The following UCHL5 variants were observed in gnomAD, a reference collection of about 807,000 sequenced individuals.
UCHL5 encodes the protein ubiquitin C-terminal hydrolase L5.
Under a neutral mutation model 53.8 loss-of-function variants are expected in UCHL5, and 34 were observed. The observed-to-expected ratio is 0.63, with a 90% CI of 0.48 to 0.84. The LOEUF (loss-of-function observed/expected upper bound fraction) is 0.84. Ranked by LOEUF, UCHL5 falls within the 40% of genes least tolerant of loss-of-function variation. UCHL5 has a pLI of 0.00. For synonymous variants in UCHL5, 111 were observed against 126.3 expected (o/e 0.88, Z 0.81); for missense variants, 290 against 385.6 (o/e 0.75, Z 2.08).
At chr1:193,025,168 T>C (rs1042302433) in intron 7 of UCHL5, among the ~76,000 whole-genome samples, 1 of 152,198 alleles carries the variant, frequency 6.6e-6, no homozygotes, top group Admixed American at 6.5e-5. Context: ...AACAAAAGTC[T>C]GCTCTCTCTA....
rs1402857349 is a variant in UCHL5 at position 193,059,020 on chromosome 1, G to C, written c.76+165C>G. ...ATTACTGTGGAAACGCGACTGTCTC[G>C]AGCTGAGGAGAGGGCAGAACATCTA... On this transcript the variant is annotated intron_variant, in intron 1 of 10. Transcript: ENST00000367454. The surrounding 1 kb of genome is among the most constrained non-coding windows in gnomAD (Gnocchi z 4.9). Among the ~76,000 whole-genome samples, 1 of 152,170 alleles carries C rather than the reference G, an allele frequency of 6.6e-6. No individual in the cohort carries two copies. The highest frequency in any genetic ancestry group is 1.5e-5 in the Non-Finnish European group (1 of 68,036).
At chr1:193,034,392 C>G (rs545594011) in intron 3 of UCHL5, among the ~76,000 whole-genome samples, 23 of 151,924 alleles carry the variant, frequency 1.5e-4, no homozygotes, top group African/African-American at 4.8e-4. Flanking sequence ...CTTACCAGAA[C>G]CAACTCAAGA....
rs79386834 is a variant in UCHL5, at chr1:193,020,825, A to G, written c.942+272T>C. 1.4e-4 allele frequency among the ~76,000 whole-genome samples: 21 copies of G among 152,002 alleles called. No homozygotes were observed. In the East Asian group the frequency reaches 3.5e-3, roughly 25 times the overall value. The stretch of plus-strand genomic sequence containing the variant: ...TTAAAAATCTACTTTTGCTTAAAGG[A>G]AGTGTTTTAAATTTTATTTTAATAC... On this transcript the variant is annotated intron_variant, in intron 10 of 10. Coordinates refer to ENST00000367454, the MANE Select transcript of UCHL5 (RefSeq NM_001199261.3).
chr1:193,036,466 A>T (rs1663536547), intron 3 of UCHL5, among the ~76,000 whole-genome samples: 1 of 151,994 alleles, frequency 6.6e-6, no homozygotes, highest in African/African-American at 2.4e-5. Context: ...TAACAATTAT[A>T]AATATGTATA....
intron 1 of UCHL5, among the ~76,000 whole-genome samples, chr1:193,057,068 A>T (rs534816068): frequency 6.6e-6 from 1 of 152,338 alleles, no homozygotes; most frequent in African/African-American, 2.4e-5. Context: ...ACTTTAACAT[A>T]TTGTTAAGGT....
At chr1:193,019,331 G>A (rs1340547211) in intron 10 of UCHL5, among the ~76,000 whole-genome samples, 1 of 151,546 alleles carries the variant, frequency 6.6e-6, no homozygotes, top group African/African-American at 2.4e-5. Flanking sequence ...TCTCAGTTAT[G>A]TATACATCCC....
intron 7 of UCHL5, among the ~76,000 whole-genome samples, chr1:193,027,688 A>G (rs766046998): frequency 1.6e-4 from 24 of 152,188 alleles, no homozygotes; most frequent in Non-Finnish European, 3.2e-4. Flanking sequence ...CTGTCTCAAA[A>G]AATAAAAAAA....
chr1:193,021,288 C>T (rs1212118445), intron 9 of UCHL5, 93 bp from the exon 10 acceptor site: 2 of 739,092 alleles, frequency 2.7e-6, no homozygotes, highest in East Asian at 5.5e-5. Context: ...ATGGTATATC[C>T]ATTCTCATAA....
At position 193,016,192 on chromosome 1, in the gene UCHL5, G is replaced by A; in HGVS notation, c.*159C>T. The A allele has an allele frequency of 2.7e-6, 2 of 731,268 alleles. No individual in the cohort carries two copies. Among genetic ancestry groups the A allele is most frequent in the Non-Finnish European group, 4.6e-6 (2 of 439,232 alleles). The allele number at this position is 731,268 out of a possible 1,614,324, so 45.3% of individuals were successfully genotyped here. ...ACTACATGCACATGATGCAGGTAGGGAAGAAGTTTATGAATCCATGCATTA... is the reference window on the plus strand; with the variant it reads ...ACTACATGCACATGATGCAGGTAGGAAAGAAGTTTATGAATCCATGCATTA... On this transcript the variant is annotated 3_prime_UTR_variant, in exon 11 of 11. Transcript: ENST00000367454.
intron 3 of UCHL5, among the ~76,000 whole-genome samples, chr1:193,043,566 T>C (rs1252566942): frequency 6.6e-6 from 1 of 152,168 alleles, no homozygotes; most frequent in Non-Finnish European, 1.5e-5. Context: ...GAGTTCTAAG[T>C]CCTTGAATGC....
chr1:193,059,505 A>G (rs1672133128), upstream of UCHL5: 24 of 1,594,078 alleles, frequency 1.5e-5, no homozygotes, highest in Non-Finnish European at 2.0e-5. The surrounding 1 kb of genome is among the most constrained non-coding windows in gnomAD (Gnocchi z 4.9). Context: ...CGGATTCGGA[A>G]GGGCTGGGGC....
At chr1:193,046,688 A>T (rs952811974) in intron 3 of UCHL5, among the ~76,000 whole-genome samples, 1 of 147,644 alleles carries the variant, frequency 6.8e-6, no homozygotes, top group Non-Finnish European at 1.5e-5. Flanking sequence ...AAATAATTAA[A>T]TTTATATATA....
chr1:193,056,908 A>G (rs910519152), intron 1 of UCHL5, among the ~76,000 whole-genome samples: 1 of 152,194 alleles, frequency 6.6e-6, no homozygotes, highest in African/African-American at 2.4e-5. Flanking sequence ...TAATGAAGCC[A>G]ATTTATTAAT....
chr1:193,026,974 G>A (rs1200461225), intron 7 of UCHL5, among the ~76,000 whole-genome samples: 1 of 152,172 alleles, frequency 6.6e-6, no homozygotes, highest in Non-Finnish European at 1.5e-5. Context: ...GAAATAAACT[G>A]AGTGAAAAAG....
At chr1:193,017,352 T>C (rs992714209) in intron 10 of UCHL5, among the ~76,000 whole-genome samples, 23 of 151,656 alleles carry the variant, frequency 1.5e-4, no homozygotes, top group African/African-American at 4.6e-4. Flanking sequence ...ACAATTACAA[T>C]CTCTTTTTGT....
intron 3 of UCHL5, 93 bp from the exon 4 acceptor site, chr1:193,029,750 T>C (rs908919262): frequency 2.0e-6 from 2 of 977,226 alleles, no homozygotes; most frequent in Non-Finnish European, 3.0e-6. Context: ...TGAACAGTTT[T>C]CAAATTATAT....
intron 3 of UCHL5, among the ~76,000 whole-genome samples, chr1:193,040,493 A>G (rs193079306): frequency 6.6e-6 from 1 of 152,340 alleles, no homozygotes; most frequent in African/African-American, 2.4e-5. Context: ...GGAATGACAG[A>G]TAAGTGGTGA....
intron 3 of UCHL5, among the ~76,000 whole-genome samples, chr1:193,034,962 TA>T (rs1356134262): frequency 6.6e-6 from 1 of 152,012 alleles, no homozygotes; most frequent in Non-Finnish European, 1.5e-5. Context: ...AACATCATCC[TA>T]AATGGAGAAA....
At chr1:193,039,039 A>C (rs1167711893) in intron 3 of UCHL5, among the ~76,000 whole-genome samples, 1 of 152,216 alleles carries the variant, frequency 6.6e-6, no homozygotes, top group African/African-American at 2.4e-5. Flanking sequence ...ATCAGCTGCT[A>C]TTATATATGC....
Sources: allele counts gnomAD v4.1 joint callset (sites outside exome capture counted in the v4.1 genomes callset), GRCh38; gene constraint gnomAD v4.1.1; non-coding constraint Gnocchi (gnomAD v3.1); transcripts MANE v1.5; gene names NCBI Gene and HGNC (gene_info 2026-07-23, HGNC 2026-07-21).